Variants in ADAM12 observed in about 807,000 individuals in gnomAD.
ADAM12 encodes ADAM metallopeptidase domain 12, also known as disintegrin and metalloproteinase domain-containing protein 12.
A neutral mutation model predicts 106.4 loss-of-function variants in ADAM12; 70 were observed. The ratio of observed to expected loss-of-function variants is 0.66; its 90% CI spans 0.54 to 0.80. The LOEUF (loss-of-function observed/expected upper bound fraction) is 0.80, where lower values mean the gene tolerates loss of function less well. Ranked by LOEUF, ADAM12 falls within the 30% of genes least tolerant of loss-of-function variation. The pLI is 0.00. For missense variants in ADAM12, 1,010 were observed against 1,171.9 expected, an observed-to-expected ratio of 0.86 and a Z score of 2.02; for synonymous variants, 420 against 433.5, an observed-to-expected ratio of 0.97 and a Z score of 0.39.
At chr10:126,345,830 T>A (rs1855118056) in intron 1 of ADAM12, among the ~76,000 whole-genome samples, 2 of 152,212 alleles carry the variant, frequency 1.3e-5, no homozygotes, top group Non-Finnish European at 2.9e-5. Flanking sequence ...TATAGTATTC[T>A]CTGATGGTAG....
chr10:126,019,735 G>A lies in ADAM12; in HGVS notation c.2620C>T (p.Pro874Ser). The A allele has an allele frequency of 6.2e-7, 1 of 1,614,144 alleles. No individual in the cohort carries two copies. The highest frequency in any genetic ancestry group is 8.5e-7 in the Non-Finnish European group (1 of 1,180,014). ...TRLTHALARTPGQWETGLRLA... is the reference protein window; with the variant it reads ...TRLTHALARTSGQWETGLRLA... ...CGGAGCCCAGTCTCCCATTGTCCTG[G>A]GGTCCTGGCCAAGGCATGAGTGAGC... is the stretch of plus-strand genomic sequence containing the variant. Residue 874 changes from proline to serine, a missense_variant, in exon 22 of 23, where the codon CCA (proline) becomes TCA (serine). Coordinates refer to ENST00000448723, the MANE Select transcript of ADAM12 (RefSeq NM_001288973.2).
At chr10:126,246,545 T>A (rs558052200) in intron 3 of ADAM12, among the ~76,000 whole-genome samples, 1 of 152,178 alleles carries the variant, frequency 6.6e-6, no homozygotes, top group East Asian at 1.9e-4. Flanking sequence ...CACAATCAAG[T>A]AGGCTTCATC....
At chr10:126,309,700 G>A (rs1054693293) in intron 2 of ADAM12, among the ~76,000 whole-genome samples, 6 of 152,204 alleles carry the variant, frequency 3.9e-5, no homozygotes, top group African/African-American at 1.2e-4. Flanking sequence ...AAGCCACTAA[G>A]CTTTGGAGGA....
At chr10:126,275,503 G>A (rs1396474676) in intron 3 of ADAM12, among the ~76,000 whole-genome samples, 3 of 152,068 alleles carry the variant, frequency 2.0e-5, no homozygotes, top group Admixed American at 6.6e-5. Context: ...ATGAAGAATC[G>A]GTTCACCACA....
intron 1 of ADAM12, among the ~76,000 whole-genome samples, chr10:126,334,914 T>C (rs1246797579): frequency 6.6e-6 from 1 of 152,186 alleles, no homozygotes; most frequent in Non-Finnish European, 1.5e-5. Flanking sequence ...CCTCCTCGAT[T>C]TATTTTCCTT....
rs575442055 is a variant in ADAM12 at position 126,049,242 on chromosome 10, T to G, written c.1917+11A>C. On this transcript the variant is annotated intron_variant, in intron 16 of 22. Transcript: ENST00000448723. This position sits in a 1 kb window ranked among gnomAD's most constrained non-coding sequence, Gnocchi z 4.4. ...TTACATTTATGATCCAAGCAAACAT[T>G]TGGGTCTTACTTTTCCATCTGCACA... 1 of 1,613,834 alleles carries G rather than the reference T, an allele frequency of 6.2e-7. No individual in the cohort carries two copies. The highest frequency in any genetic ancestry group is 8.5e-7 in the Non-Finnish European group (1 of 1,180,016).
intron 3 of ADAM12, among the ~76,000 whole-genome samples, chr10:126,276,907 A>G (rs1212859890): frequency 3.3e-5 from 5 of 152,170 alleles, no homozygotes; most frequent in African/African-American, 9.7e-5. Context: ...ATCTGCAGTA[A>G]TGGAAGGTAC....
intron 1 of ADAM12, among the ~76,000 whole-genome samples, chr10:126,359,006 G>T (rs2133899769): frequency 6.6e-6 from 1 of 152,314 alleles, no homozygotes; most frequent in Non-Finnish European, 1.5e-5. Context: ...AATTATGGTG[G>T]AAGGCAAGGA....
chr10:126,280,034 C>T (rs1471326013), intron 2 of ADAM12, among the ~76,000 whole-genome samples: 1 of 152,188 alleles, frequency 6.6e-6, no homozygotes, highest in Non-Finnish European at 1.5e-5. Context: ...AGTCTTATAA[C>T]TCCAGAGCTC....
chr10:126,364,201 A>T (rs1013505729), intron 1 of ADAM12, among the ~76,000 whole-genome samples: 1 of 152,138 alleles, frequency 6.6e-6, no homozygotes, highest in African/African-American at 2.4e-5. Context: ...ATAAACTCAC[A>T]TCTTAAATCA....
At chr10:126,245,184 T>C (rs1358771677) in intron 3 of ADAM12, among the ~76,000 whole-genome samples, 1 of 152,174 alleles carries the variant, frequency 6.6e-6, no homozygotes, top group Non-Finnish European at 1.5e-5. Flanking sequence ...CAGTCTGTGC[T>C]TTGGAAAGGG....
intron 1 of ADAM12, among the ~76,000 whole-genome samples, chr10:126,354,158 A>C (rs1683330073): frequency 6.6e-6 from 1 of 152,016 alleles, no homozygotes; most frequent in African/African-American, 2.4e-5. Flanking sequence ...ATCTTTGGAC[A>C]AGTAATTTGG....
At chr10:126,111,483 T>C (rs1174153767) in intron 6 of ADAM12, among the ~76,000 whole-genome samples, 1 of 152,134 alleles carries the variant, frequency 6.6e-6, no homozygotes, top group African/African-American at 2.4e-5. Context: ...TTAAAAAAAT[T>C]TGGCTAATTA....
In ADAM12 at chr10:126,295,910, A is replaced by AACAC. The variant is rs113506950; in HGVS notation, c.187-16926_187-16923dup. 4.0e-3 allele frequency among the ~76,000 whole-genome samples: 586 copies of AACAC among 148,274 alleles called. 1 individual carries two copies. Among genetic ancestry groups the AACAC allele is most frequent in the South Asian group, 8.0e-3 (37 of 4,654 alleles). On this transcript the variant is annotated intron_variant, in intron 2 of 22. Coordinates refer to ENST00000448723, the MANE Select transcript of ADAM12 (RefSeq NM_001288973.2). ...ATCGAACAACAGACACACACACACA[A>AACAC]ACACACACACACACACACATAAACA... is the stretch of plus-strand genomic sequence containing the variant.
chr10:126,092,280 G>C (rs968955374), intron 11 of ADAM12, among the ~76,000 whole-genome samples: 1 of 152,208 alleles, frequency 6.6e-6, no homozygotes, highest in African/African-American at 2.4e-5. Context: ...TGAGTTCATT[G>C]AGAGTGAGAA....
intron 1 of ADAM12, among the ~76,000 whole-genome samples, chr10:126,361,499 CA>C (rs1426164420): frequency 3.3e-5 from 5 of 152,112 alleles, no homozygotes; most frequent in Admixed American, 3.3e-4. Flanking sequence ...GCAAAAAGAA[CA>C]AAGCTGAAGG....
intron 14 of ADAM12, among the ~76,000 whole-genome samples, chr10:126,057,947 G>A (rs1327816577): frequency 1.3e-5 from 2 of 152,206 alleles, no homozygotes; most frequent in Non-Finnish European, 2.9e-5. Context: ...GCAGAGGTAT[G>A]CACATAAGAT....
Position 126,211,355 on chromosome 10 carries a change from A to G in ADAM12, c.261-56050T>C, listed in dbSNP as rs543204495. ...CTCCCGGGCTCAGCAATTGGTCCTC[A>G]AGAGCTGGGTGCTTCACTTAAGTTC... On this transcript the variant is annotated intron_variant, in intron 3 of 22. Coordinates refer to ENST00000448723, the MANE Select transcript of ADAM12 (RefSeq NM_001288973.2). Among the ~76,000 whole-genome samples the G allele has an allele frequency of 2.0e-5, 3 of 152,312 alleles. No individual in the cohort carries two copies. The South Asian group carries it at 6.2e-4, about 32-fold the overall frequency.
chr10:126,048,913 G>T, intron 16 of ADAM12, among the ~76,000 whole-genome samples: 1 of 152,144 alleles, frequency 6.6e-6, no homozygotes, highest in East Asian at 1.9e-4. Context: ...AAGCCCCCAA[G>T]AACTCTGTGC....
Sources: gnomAD v4.1 joint callset for allele counts (sites outside exome capture counted in the v4.1 genomes callset) on GRCh38, gnomAD v4.1.1 for gene constraint, Gnocchi (gnomAD v3.1) non-coding constraint, MANE v1.5 for transcripts, NCBI Gene and HGNC (gene_info 2026-07-23, HGNC 2026-07-21) for gene names.